KRT7: variants seen among roughly 807,000 people sequenced by gnomAD.
KRT7 encodes the protein keratin 7.
In KRT7, 50 loss-of-function variants were observed where a neutral mutation model predicts 42.8. The observed-to-expected ratio is 1.17, with a 90% CI of 0.93 to 1.48. The LOEUF is 1.48. KRT7 is among the 40% of genes most tolerant of loss of function. KRT7 has a pLI of 0.00. For synonymous variants in KRT7, 268 were observed against 266.3 expected (o/e 1.01, Z -0.06); for missense variants, 588 against 637.6 (o/e 0.92, Z 0.84).
chr12:52,233,626 C>A lies in KRT7; in HGVS notation c.324+6C>A, dbSNP rs1022401024. 8 of 1,611,840 alleles carry A rather than the reference C, an allele frequency of 5.0e-6. No homozygotes were observed. The African/African-American group carries it at 6.7e-5, about 13-fold the overall frequency. On this transcript the variant is annotated splice_donor_region_variant and intron_variant, in intron 1 of 8. Transcript: ENST00000331817. ...TTGCCTCCTTCATCGACAAGGTGAG[C>A]GGGACTGGACCTCGCCTCTCCTCGA...
Position 52,233,281 on chromosome 12 carries a change from TC to T in KRT7, c.-13del, listed in dbSNP as rs772468676. 1 of 1,531,486 alleles carries T rather than the reference TC, an allele frequency of 6.5e-7. No homozygotes were observed. The highest frequency in any genetic ancestry group is 1.5e-5 in the African/African-American group (1 of 68,814). The allele number at this position is 1,531,486 out of a possible 1,614,324, so 94.9% of individuals were successfully genotyped here. ...TCCTCCTCGCCCGCCGCTAGGTCCA[TC>T]CCGGCCCAGCCACCATGTCCATCCA... is the stretch of plus-strand genomic sequence containing the variant. On this transcript the variant is annotated 5_prime_UTR_variant, in exon 1 of 9. Coordinates refer to ENST00000331817, the MANE Select transcript of KRT7 (RefSeq NM_005556.4).
At chr12:52,238,209 G>T (rs940603183) in intron 3 of KRT7, among the ~76,000 whole-genome samples, 4 of 152,178 alleles carry the variant, frequency 2.6e-5, no homozygotes, top group Non-Finnish European at 4.4e-5. Context: ...TTCACCTGGG[G>T]TGTTATCTGA....
downstream of KRT7, chr12:52,253,289 C>CGGCG: frequency 1.2e-6 from 2 of 1,612,780 alleles, no homozygotes; most frequent in Non-Finnish European, 1.7e-6. Flanking sequence ...CTCCTTGGTG[C>CGGCG]GGCGCAGGGT....
At chr12:52,255,218 TC>T (rs1814407230), downstream of KRT7, 1 of 372,422 alleles carries the variant, frequency 2.7e-6, no homozygotes, top group Non-Finnish European at 5.4e-6. Flanking sequence ...TCTAAGGGAG[TC>T]CCTCCACCTC....
downstream of KRT7, chr12:52,251,939 A>G: frequency 1.9e-6 from 1 of 531,698 alleles, no homozygotes; most frequent in Non-Finnish European, 3.6e-6. Context: ...ACGAGCCTAA[A>G]GTTTTTACTA....
At chr12:52,238,290 C>T (rs1022312718) in intron 3 of KRT7, among the ~76,000 whole-genome samples, 10 of 152,152 alleles carry the variant, frequency 6.6e-5, no homozygotes, top group South Asian at 2.1e-4. Context: ...TCTCTGGGAG[C>T]GGGGCTGGGA....
At chr12:52,233,697 G>C (rs1941959289) in intron 1 of KRT7, 77 bp downstream of exon 1, 3 of 1,455,196 alleles carry the variant, frequency 2.1e-6, no homozygotes, top group South Asian at 2.3e-5. Flanking sequence ...CCCTGCCTGC[G>C]CGCGGGCCAG....
At chr12:52,247,868 C>G in intron 7 of KRT7, 2 of 432,728 alleles carry the variant, frequency 4.6e-6, no homozygotes, top group East Asian at 4.5e-5. Flanking sequence ...GGGCTTTAGA[C>G]AGATTATGTC....
At chr12:52,239,673 G>T (rs557478299) in intron 4 of KRT7, among the ~76,000 whole-genome samples, 154 of 152,250 alleles carry the variant, frequency 1.0e-3, no homozygotes, top group African/African-American at 3.6e-3. Flanking sequence ...TTGTGACAGG[G>T]TTCAAAGGTG....
intron 7 of KRT7, chr12:52,247,379 C>T (rs930028657): frequency 2.0e-5 from 3 of 152,224 alleles, no homozygotes; most frequent in African/African-American, 4.8e-5. Flanking sequence ...TTCAGCAAAC[C>T]TCTCTCTTTC....
At chr12:52,235,056 G>A in intron 1 of KRT7, 99 bp from the exon 2 acceptor site, 1 of 1,119,688 alleles carries the variant, frequency 8.9e-7, no homozygotes, top group Non-Finnish European at 1.3e-6. Flanking sequence ...GCCAGGGGGA[G>A]CATGGCTCTG....
downstream of KRT7, among the ~76,000 whole-genome samples, chr12:52,251,412 G>C (rs1204022931): frequency 6.6e-6 from 1 of 152,174 alleles, no homozygotes; most frequent in Non-Finnish European, 1.5e-5. Flanking sequence ...CGAAAATCTC[G>C]TAAGTTTTAA....
At chr12:52,248,116 G>C in intron 7 of KRT7, 61 bp from the exon 8 acceptor site, 6 of 1,501,880 alleles carry the variant, frequency 4.0e-6, no homozygotes, top group Non-Finnish European at 5.6e-6. Flanking sequence ...AGAGAGGGCT[G>C]AGAGCGCTTC....
rs754991179 is a variant in KRT7 at position 52,233,438 on chromosome 12, C to G, written c.142C>G (p.Arg48Gly). 6 of 1,566,910 alleles carry G rather than the reference C, an allele frequency of 3.8e-6. No homozygotes were observed. The Admixed American group carries it at 1.2e-4, about 31-fold the overall frequency. Residue 48 changes from arginine (R) to glycine (G), a missense_variant, in exon 1 of 9, where the codon CGC (arginine) becomes GGC (glycine). Physicochemically the swap from Arg to Gly is moderately radical, Grantham distance 125. Coordinates refer to ENST00000331817, the MANE Select transcript of KRT7 (RefSeq NM_005556.4). ...CTACGGCCTCGGCGCCTCACGGCCGCGCGTGGCCGTGCGCTCTGCCTATGG... is the reference window on the plus strand; with the variant it reads ...CTACGGCCTCGGCGCCTCACGGCCGGGCGTGGCCGTGCGCTCTGCCTATGG... Reference protein sequence around the residue: ...SLYGLGASRPRVAVRSAYGGP... With the variant: ...SLYGLGASRPGVAVRSAYGGP...
intron 8 of KRT7, 49 bp downstream of exon 8, chr12:52,248,260 ATGGGGC>A: frequency 6.3e-7 from 1 of 1,593,522 alleles, no homozygotes; most frequent in Non-Finnish European, 8.6e-7. Flanking sequence ...TGCTGTTTAG[ATGGGGC>A]TGGGTCTAGA....
At chr12:52,253,684 A>G (rs781483687), downstream of KRT7, 11 of 1,453,378 alleles carry the variant, frequency 7.6e-6, no homozygotes, top group Non-Finnish European at 9.3e-6. Context: ...GTGATGACAC[A>G]GTGCATGTTC....
At chr12:52,252,386 G>A (rs760439283), downstream of KRT7, 7 of 1,614,172 alleles carry the variant, frequency 4.3e-6, no homozygotes, top group Non-Finnish European at 3.4e-6. Flanking sequence ...CCTTCTGCAG[G>A]GCACCCTCCA....
downstream of KRT7, chr12:52,255,231 C>T (rs1015241728): frequency 2.5e-6 from 1 of 403,368 alleles, no homozygotes; most frequent in Non-Finnish European, 5.0e-6. Context: ...CTCCACCTCT[C>T]CGAACTACAG....
chr12:52,235,084 A>G (rs1941990269), intron 1 of KRT7, 71 bp from the exon 2 acceptor site: 2 of 1,433,420 alleles, frequency 1.4e-6, no homozygotes, highest in African/African-American at 2.8e-5. Context: ...GCTAAAGATG[A>G]TGTTCCTCAA....
Sources: allele counts gnomAD v4.1 joint callset (sites outside exome capture counted in the v4.1 genomes callset), GRCh38; gene constraint gnomAD v4.1.1; transcripts MANE v1.5; gene names NCBI Gene and HGNC (gene_info 2026-07-23, HGNC 2026-07-21).